The following NAALADL2 variants were observed in gnomAD, a reference collection of about 807,000 sequenced individuals.
NAALADL2 encodes the protein inactive N-acetylated-alpha-linked acidic dipeptidase-like protein 2.
A neutral mutation model predicts 87.2 loss-of-function variants in NAALADL2; 76 were observed. The observed-to-expected ratio is 0.87, with a 90% CI of 0.72 to 1.05. The LOEUF (loss-of-function observed/expected upper bound fraction) is 1.05, where lower values mean the gene tolerates loss of function less well. NAALADL2 is among the 50% of genes least tolerant of loss of function. The pLI is 0.00. For missense variants in NAALADL2, 1,089 were observed against 945.8 expected (o/e 1.15, Z -1.99); for synonymous variants, 354 against 331.0 (o/e 1.07, Z -0.75).
chr3:174,505,295 T>C (rs1257118156), intron 1 of NAALADL2, among the ~76,000 whole-genome samples: 1 of 152,118 alleles, frequency 6.6e-6, no homozygotes, highest in African/African-American at 2.4e-5. Context: ...GAAAAAATTG[T>C]GAGTTAATAA....
chr3:175,483,760 G>A (rs1454228303), intron 9 of NAALADL2, among the ~76,000 whole-genome samples: 9 of 152,102 alleles, frequency 5.9e-5, no homozygotes, highest in Admixed American at 5.9e-4. Flanking sequence ...GGTACTGAAA[G>A]CAGTGCAGAC....
chr3:174,444,997 G>A (rs1714940554), intron 1 of NAALADL2, among the ~76,000 whole-genome samples: 1 of 151,746 alleles, frequency 6.6e-6, no homozygotes, highest in South Asian at 2.1e-4. Flanking sequence ...GTTGGAAATG[G>A]AACCTTGTTT....
chr3:175,789,511 G>T (rs960012224), intron 13 of NAALADL2, among the ~76,000 whole-genome samples: 1 of 152,076 alleles, frequency 6.6e-6, no homozygotes, highest in African/African-American at 2.4e-5. Flanking sequence ...TTGAGGTCTT[G>T]GCTTTTGTAT....
At chr3:174,793,807 CT>C (rs756300484) in intron 3 of NAALADL2, among the ~76,000 whole-genome samples, 2,952 of 144,722 alleles carry the variant, frequency 0.02, 50 homozygotes, top group African/African-American at 0.046. Flanking sequence ...TCCCCAGTTT[CT>C]TTTTTTTTTT....
At chr3:175,444,301 A>T (rs569018401) in intron 5 of NAALADL2, among the ~76,000 whole-genome samples, 158 of 152,306 alleles carry the variant, frequency 1.0e-3, no homozygotes, top group Middle Eastern at 3.4e-3. Flanking sequence ...GTAATGGCTG[A>T]GAGAGAAAAC....
intron 3 of NAALADL2, among the ~76,000 whole-genome samples, chr3:174,763,956 T>C (rs1435890153): frequency 1.3e-5 from 2 of 152,100 alleles, no homozygotes; most frequent in African/African-American, 4.8e-5. Flanking sequence ...CTATTTTAAA[T>C]GAGGAAACTG....
At chr3:175,732,651 G>T (rs1743929927) in intron 11 of NAALADL2, among the ~76,000 whole-genome samples, 1 of 152,080 alleles carries the variant, frequency 6.6e-6, no homozygotes, top group African/African-American at 2.4e-5. Context: ...CAGAAGTGTT[G>T]GGAGGGTGCG....
chr3:175,053,348 T>C (rs889664811), intron 1 of NAALADL2, among the ~76,000 whole-genome samples: 7 of 152,186 alleles, frequency 4.6e-5, no homozygotes, highest in African/African-American at 1.7e-4. Context: ...TGAATTGTTG[T>C]CCCGCTTTCC....
At chr3:174,703,552 T>C (rs1729767783) in intron 2 of NAALADL2, among the ~76,000 whole-genome samples, 1 of 152,104 alleles carries the variant, frequency 6.6e-6, no homozygotes, top group African/African-American at 2.4e-5. Flanking sequence ...TTATTTCAGA[T>C]CATAGATGCC....
At chr3:175,693,312 CCTACA>C (rs1431843574) in intron 11 of NAALADL2, among the ~76,000 whole-genome samples, 1 of 152,126 alleles carries the variant, frequency 6.6e-6, no homozygotes, top group East Asian at 1.9e-4. Context: ...CCTAAATTCC[CCTACA>C]CTAAATTGTG....
At chr3:174,847,427 T>A (rs1368808317) in intron 3 of NAALADL2, among the ~76,000 whole-genome samples, 1 of 152,192 alleles carries the variant, frequency 6.6e-6, no homozygotes, top group Admixed American at 6.5e-5. Context: ...ACTTTATCAC[T>A]CTTATCCTAT....
chr3:175,258,312 C>A, intron 4 of NAALADL2, among the ~76,000 whole-genome samples: 2 of 95,674 alleles, frequency 2.1e-5, no homozygotes, highest in Admixed American at 2.0e-4. Context: ...TCCGTCCCTC[C>A]GCCCCCACCA....
chr3:175,245,110 T>G (rs945954113), intron 3 of NAALADL2, among the ~76,000 whole-genome samples: 2 of 152,138 alleles, frequency 1.3e-5, no homozygotes, highest in Non-Finnish European at 2.9e-5. Flanking sequence ...CTCTACATAT[T>G]TTTCATAATC....
At chr3:175,659,904 A>T (rs1412826325) in intron 11 of NAALADL2, among the ~76,000 whole-genome samples, 1 of 152,190 alleles carries the variant, frequency 6.6e-6, no homozygotes. Flanking sequence ...TGCCTGCCTC[A>T]GTCTGTTCAG....
intron 5 of NAALADL2, among the ~76,000 whole-genome samples, chr3:175,441,945 T>C (rs1034772017): frequency 2.0e-5 from 3 of 152,162 alleles, no homozygotes; most frequent in Non-Finnish European, 2.9e-5. Context: ...TCTTTATTTT[T>C]ATTTTTATTT....
intron 1 of NAALADL2, among the ~76,000 whole-genome samples, chr3:174,464,222 T>G (rs1044907527): frequency 7.9e-5 from 12 of 152,174 alleles, no homozygotes; most frequent in South Asian, 4.1e-4. Context: ...AAAAGTGTTT[T>G]ATGTTTTAAA....
chr3:175,143,873 C>T (rs1209693131), intron 2 of NAALADL2, among the ~76,000 whole-genome samples: 2 of 151,866 alleles, frequency 1.3e-5, no homozygotes, highest in East Asian at 3.9e-4. Flanking sequence ...GTATATTTAA[C>T]CTCAAAGCTA....
intron 1 of NAALADL2, among the ~76,000 whole-genome samples, chr3:174,527,191 A>G (rs1488910467): frequency 2.6e-5 from 4 of 152,104 alleles, no homozygotes; most frequent in Admixed American, 2.6e-4. Context: ...GATTTCTAGG[A>G]AAGAGTTAAG....
At chr3:174,521,665 CAG>C (rs1324838412) in intron 1 of NAALADL2, among the ~76,000 whole-genome samples, 1 of 151,258 alleles carries the variant, frequency 6.6e-6, no homozygotes, top group Non-Finnish European at 1.5e-5. Context: ...TAATTATCCT[CAG>C]TGAAATAACT....
Sources: allele counts gnomAD v4.1 joint callset (sites outside exome capture counted in the v4.1 genomes callset), GRCh38; gene constraint gnomAD v4.1.1; transcripts MANE v1.5; gene names NCBI Gene and HGNC (gene_info 2026-07-23, HGNC 2026-07-21).